UBASH3B: variants seen among roughly 807,000 people sequenced by gnomAD.
The protein encoded by UBASH3B is ubiquitin-associated and SH3 domain-containing protein B.
A neutral mutation model predicts 83.4 loss-of-function variants in UBASH3B; 37 were observed. That is an observed-to-expected ratio of 0.44 (90% CI 0.34 to 0.58). The LOEUF (loss-of-function observed/expected upper bound fraction) is 0.58. UBASH3B is among the 20% of genes least tolerant of loss of function. The pLI, the probability that UBASH3B is intolerant of heterozygous loss-of-function variation, is 0.01. For missense variants in UBASH3B, 657 were observed against 827.2 expected, an observed-to-expected ratio of 0.79 and a Z score of 2.52; for synonymous variants, 304 against 318.3, an observed-to-expected ratio of 0.96 and a Z score of 0.48.
chr11:122,696,279 G>A (rs899921297), intron 1 of UBASH3B, among the ~76,000 whole-genome samples: 1 of 151,676 alleles, frequency 6.6e-6, no homozygotes, highest in Non-Finnish European at 1.5e-5. Context: ...TCGGTAATAA[G>A]CCGGCAGGAT....
intron 1 of UBASH3B, among the ~76,000 whole-genome samples, chr11:122,747,069 C>A (rs1431009099): frequency 6.6e-6 from 1 of 151,940 alleles, no homozygotes; most frequent in African/African-American, 2.4e-5. Flanking sequence ...GCAGAGGCTG[C>A]GGGGTGGGGG....
intron 1 of UBASH3B, among the ~76,000 whole-genome samples, chr11:122,739,218 G>A (rs1004999821): frequency 6.6e-6 from 1 of 152,102 alleles, no homozygotes; most frequent in Non-Finnish European, 1.5e-5. Context: ...ACTGAGGAGT[G>A]GAAAGTTTAA....
intron 1 of UBASH3B, among the ~76,000 whole-genome samples, chr11:122,666,049 A>G (rs967956939): frequency 2.6e-5 from 4 of 152,212 alleles, no homozygotes; most frequent in African/African-American, 9.7e-5. Flanking sequence ...TGGGAAGCTG[A>G]AAGAACCACC....
rs116318346 is a variant in UBASH3B, at chr11:122,768,106, C to T, written c.162-8113C>T. ...CTCCTGAGTAGTTTGCTATCTGGGACGATTTTCATGCATCCTTCTTGGGAG... is the reference window on the plus strand; with the variant it reads ...CTCCTGAGTAGTTTGCTATCTGGGATGATTTTCATGCATCCTTCTTGGGAG... On this transcript the variant is annotated intron_variant, in intron 1 of 13. Coordinates refer to ENST00000284273, the MANE Select transcript of UBASH3B (RefSeq NM_032873.5). Among the ~76,000 whole-genome samples, 456 of 152,226 alleles carry T rather than the reference C, an allele frequency of 3.0e-3. 3 individuals carry two copies. The highest frequency in any genetic ancestry group is 0.012 in the Admixed American group (178 of 15,284).
In UBASH3B at chr11:122,810,643, A is replaced by G. The variant is rs1183140870; in HGVS notation, c.*757A>G. The G allele has an allele frequency of 2.6e-5, 4 of 152,762 alleles. No homozygotes were observed. In the East Asian group the frequency reaches 7.7e-4, roughly 29 times the overall value. The allele number at this position is 152,762 out of a possible 1,614,324, so 9.5% of individuals were successfully genotyped here. On this transcript the variant is annotated 3_prime_UTR_variant, in exon 14 of 14. Coordinates refer to ENST00000284273, the MANE Select transcript of UBASH3B (RefSeq NM_032873.5). ...GATAAGATACATGTTTGAAGTATTC[A>G]ATCATAGGAGCAAAGAACTTGCAAA...
chr11:122,730,061 G>T (rs1223324960), intron 1 of UBASH3B, among the ~76,000 whole-genome samples: 7 of 151,202 alleles, frequency 4.6e-5, no homozygotes, highest in South Asian at 2.1e-4. Flanking sequence ...CGAGGCAGGT[G>T]GATCACTTGA....
chr11:122,745,753 T>C (rs772882613), intron 1 of UBASH3B, among the ~76,000 whole-genome samples: 5 of 152,202 alleles, frequency 3.3e-5, no homozygotes, highest in Non-Finnish European at 5.9e-5. Flanking sequence ...CCTTCCCCCA[T>C]TGCACCCGCT....
chr11:122,796,140 CT>C lies in UBASH3B; in HGVS notation c.1114-13del. ...TGCCATGTGTGTCTTCACTAATAGCCTTTCTTTCTCTGCAGCCGCTGAGGGT... is the reference window on the plus strand; with the variant it reads ...TGCCATGTGTGTCTTCACTAATAGCCTTCTTTCTCTGCAGCCGCTGAGGGT... On this transcript the variant is annotated splice_polypyrimidine_tract_variant and intron_variant, in intron 7 of 13. Coordinates refer to ENST00000284273, the MANE Select transcript of UBASH3B (RefSeq NM_032873.5). 1 of 1,613,760 alleles carries C rather than the reference CT, an allele frequency of 6.2e-7. No individual in the cohort carries two copies.
At chr11:122,657,014 C>T (rs905527938) in intron 1 of UBASH3B, among the ~76,000 whole-genome samples, 1 of 152,176 alleles carries the variant, frequency 6.6e-6, no homozygotes, top group East Asian at 1.9e-4. Context: ...CGGCCGGAGT[C>T]GTCTCAGGCC....
chr11:122,805,263 C>A (rs1306256921), intron 11 of UBASH3B, among the ~76,000 whole-genome samples: 1 of 152,210 alleles, frequency 6.6e-6, no homozygotes, highest in Non-Finnish European at 1.5e-5. Context: ...GGTGCAGTGG[C>A]TCATGCCTGT....
chr11:122,732,622 C>G (rs1359814054), intron 1 of UBASH3B, among the ~76,000 whole-genome samples: 1 of 152,128 alleles, frequency 6.6e-6, no homozygotes, highest in South Asian at 2.1e-4. Flanking sequence ...CTATTGTAGC[C>G]CCACGTATTT....
intron 5 of UBASH3B, among the ~76,000 whole-genome samples, chr11:122,786,493 C>A (rs1860955790): frequency 6.6e-6 from 1 of 151,930 alleles, no homozygotes. Context: ...CTCGTCTCTA[C>A]TAAAAATACA....
chr11:122,773,153 G>T (rs1860676500), intron 1 of UBASH3B, among the ~76,000 whole-genome samples: 1 of 152,170 alleles, frequency 6.6e-6, no homozygotes, highest in South Asian at 2.1e-4. Flanking sequence ...TCAGTCTGGG[G>T]TTTAGGGTCC....
intron 1 of UBASH3B, among the ~76,000 whole-genome samples, chr11:122,728,187 T>C (rs1565543711): frequency 6.6e-6 from 1 of 152,158 alleles, no homozygotes; most frequent in Non-Finnish European, 1.5e-5. Context: ...AGGATCTACA[T>C]GCCTGTCCTC....
chr11:122,765,960 G>A (rs1468958018), intron 1 of UBASH3B, among the ~76,000 whole-genome samples: 2 of 152,202 alleles, frequency 1.3e-5, no homozygotes, highest in Non-Finnish European at 2.9e-5. Flanking sequence ...CCTTACCTGA[G>A]GTATGCAGTC....
chr11:122,699,172 C>T (rs369589999), intron 1 of UBASH3B, among the ~76,000 whole-genome samples: 7 of 152,286 alleles, frequency 4.6e-5, no homozygotes, highest in Admixed American at 6.5e-5. Flanking sequence ...TAAATCTTTT[C>T]GCCCCTGATG....
At position 122,783,941 on chromosome 11, in the gene UBASH3B, CTT is replaced by C. The variant is rs35464960; in HGVS notation, c.771+734_771+735del. ...TGACATCTTGGAAGCATAATATTGC[CTT>C]TTTTTTTTTTTTTTAAATGGAGTTT... On this transcript the variant is annotated intron_variant, in intron 5 of 13. Coordinates refer to ENST00000284273, the MANE Select transcript of UBASH3B (RefSeq NM_032873.5). 2.6e-3 allele frequency among the ~76,000 whole-genome samples: 374 copies of C among 142,204 alleles called. 2 individuals carry two copies. Among genetic ancestry groups the C allele is most frequent in the African/African-American group, 7.3e-3 (281 of 38,654 alleles). 93.3% of individuals were successfully genotyped at this position (142,204 alleles called of 152,430 possible).
In UBASH3B at chr11:122,773,900, A is replaced by T. The variant is rs534640395; in HGVS notation, c.162-2319A>T. On this transcript the variant is annotated intron_variant, in intron 1 of 13. Coordinates refer to ENST00000284273, the MANE Select transcript of UBASH3B (RefSeq NM_032873.5). Reference sequence around the variant, plus strand: ...TAGAAAAAAAGAAATTGAATTCCTTATATAAATAGCACATTGTCTGGTGCC... The same window carrying T: ...TAGAAAAAAAGAAATTGAATTCCTTTTATAAATAGCACATTGTCTGGTGCC... 434 of 836,164 alleles carry T rather than the reference A, an allele frequency of 5.2e-4. 1 individual carries two copies. Among genetic ancestry groups the T allele is most frequent in the Non-Finnish European group, 6.2e-4 (428 of 693,798 alleles). 51.8% of individuals were successfully genotyped at this position (836,164 alleles called of 1,614,324 possible).
At chr11:122,762,545 C>T (rs1240963758) in intron 1 of UBASH3B, among the ~76,000 whole-genome samples, 4 of 152,214 alleles carry the variant, frequency 2.6e-5, no homozygotes, top group South Asian at 2.1e-4. Context: ...CTTTCTTCTT[C>T]TCCACGCCTG....
Sources: gnomAD v4.1 joint callset for allele counts (sites outside exome capture counted in the v4.1 genomes callset) on GRCh38, gnomAD v4.1.1 for gene constraint, MANE v1.5 for transcripts, NCBI Gene and HGNC (gene_info 2026-07-23, HGNC 2026-07-21) for gene names.